Variants in SLC44A5 observed in about 807,000 individuals in gnomAD.
SLC44A5 encodes the protein solute carrier family 44 member 5.
In SLC44A5, 57 loss-of-function variants were observed where a neutral mutation model predicts 101.8. That is an observed-to-expected ratio of 0.56 (90% CI 0.45 to 0.70). SLC44A5 has a LOEUF of 0.70. Among genes scored for constraint, SLC44A5 ranks in the 30% least tolerant of loss-of-function variants. The pLI, the probability that SLC44A5 is intolerant of heterozygous loss-of-function variation, is 0.00. For synonymous variants in SLC44A5, 281 were observed against 290.9 expected (o/e 0.97, Z 0.35); for missense variants, 737 against 853.1 (o/e 0.86, Z 1.70).
chr1:75,340,119 T>C (rs1427443600), intron 3 of SLC44A5, among the ~76,000 whole-genome samples: 1 of 152,214 alleles, frequency 6.6e-6, no homozygotes, highest in Non-Finnish European at 1.5e-5. Context: ...GTTGGCTGTA[T>C]GGTACATAAA....
the SLC44A5 span, among the ~76,000 whole-genome samples, chr1:75,701,392 C>A: frequency 6.6e-6 from 1 of 152,104 alleles, no homozygotes; most frequent in Non-Finnish European, 1.5e-5. Context: ...ATAAACAGAA[C>A]CAACAACAAA....
At chr1:75,234,814 G>C (rs905459545) in intron 11 of SLC44A5, among the ~76,000 whole-genome samples, 1 of 152,040 alleles carries the variant, frequency 6.6e-6, no homozygotes, top group African/African-American at 2.4e-5. Flanking sequence ...CTTAGAGCTT[G>C]ACTGAACTAC....
the SLC44A5 span, among the ~76,000 whole-genome samples, chr1:75,696,648 C>T: frequency 6.6e-6 from 1 of 152,108 alleles, no homozygotes; most frequent in Admixed American, 6.5e-5. Flanking sequence ...GTAATCCCAG[C>T]ACTTTGGGAG....
chr1:75,403,793 T>C (rs1406131800), intron 2 of SLC44A5, among the ~76,000 whole-genome samples: 2 of 151,996 alleles, frequency 1.3e-5, no homozygotes, highest in Non-Finnish European at 2.9e-5. Flanking sequence ...CCTCTTCTCC[T>C]CCACAGGATC....
At chr1:75,604,505 T>G (rs907097749) in intron 1 of SLC44A5, among the ~76,000 whole-genome samples, 38 of 152,092 alleles carry the variant, frequency 2.5e-4, no homozygotes, top group African/African-American at 8.9e-4. Context: ...GGCTCTTTAT[T>G]ACTTTATTAC....
At chr1:75,612,769 CTT>C (rs1444282174), upstream of SLC44A5, among the ~76,000 whole-genome samples, 1 of 150,650 alleles carries the variant, frequency 6.6e-6, no homozygotes, top group East Asian at 2.0e-4. Flanking sequence ...AAGTTTTACA[CTT>C]AAGTAATTGA....
chr1:75,631,318 T>C, the SLC44A5 span, among the ~76,000 whole-genome samples: 1,175 of 152,274 alleles, frequency 7.7e-3, 14 homozygotes, highest in African/African-American at 0.027. Flanking sequence ...GTCTACCATA[T>C]CCTTTCTTGT....
At chr1:75,687,611 GA>G in the SLC44A5 span, among the ~76,000 whole-genome samples, 7 of 152,080 alleles carry the variant, frequency 4.6e-5, no homozygotes, top group Admixed American at 1.3e-4. Context: ...GCCTTTTCCA[GA>G]AATCTTTATG....
intron 2 of SLC44A5, among the ~76,000 whole-genome samples, chr1:75,410,846 T>C (rs1202769543): frequency 6.6e-6 from 1 of 152,124 alleles, no homozygotes; most frequent in Non-Finnish European, 1.5e-5. Context: ...CACCCAAAAT[T>C]TCTTGAGCAG....
the SLC44A5 span, among the ~76,000 whole-genome samples, chr1:75,684,062 A>G: frequency 6.6e-6 from 1 of 152,304 alleles, no homozygotes; most frequent in East Asian, 1.9e-4. Flanking sequence ...TTATGGTGGA[A>G]CGAAAAGGAA....
chr1:75,639,704 A>T, the SLC44A5 span, among the ~76,000 whole-genome samples: 1 of 152,128 alleles, frequency 6.6e-6, no homozygotes, highest in South Asian at 2.1e-4. Context: ...TCACAGTTGC[A>T]GTTGAATTAA....
intron 4 of SLC44A5, among the ~76,000 whole-genome samples, chr1:75,324,232 G>C (rs1656400456): frequency 1.3e-5 from 2 of 152,292 alleles, no homozygotes; most frequent in African/African-American, 4.8e-5. Context: ...ATTTCTGAAA[G>C]ACATAATGAG....
At chr1:75,208,025 G>A (rs1364366638) in intron 23 of SLC44A5, among the ~76,000 whole-genome samples, 3 of 152,064 alleles carry the variant, frequency 2.0e-5, no homozygotes, top group Non-Finnish European at 4.4e-5. Flanking sequence ...GCCCCAAATT[G>A]CAAGATTAGT....
At chr1:75,364,969 C>T (rs1659756879) in intron 3 of SLC44A5, among the ~76,000 whole-genome samples, 1 of 151,898 alleles carries the variant, frequency 6.6e-6, no homozygotes, top group South Asian at 2.1e-4. Context: ...TTATTTTGTT[C>T]ATGAATTGTG....
At chr1:75,327,845 G>C (rs1453955074) in intron 4 of SLC44A5, among the ~76,000 whole-genome samples, 1 of 152,216 alleles carries the variant, frequency 6.6e-6, no homozygotes, top group Non-Finnish European at 1.5e-5. Flanking sequence ...AGTGCGTAAA[G>C]AGGACTCTTC....
intron 1 of SLC44A5, chr1:75,582,546 C>T (rs923426801): frequency 3.8e-5 from 19 of 500,816 alleles, no homozygotes; most frequent in Non-Finnish European, 6.8e-5. Context: ...CAGGCCACTA[C>T]AAAGGGTTCA....
intron 5 of SLC44A5, among the ~76,000 whole-genome samples, chr1:75,279,744 G>C (rs905464790): frequency 4.1e-5 from 6 of 145,420 alleles, no homozygotes; most frequent in African/African-American, 1.5e-4. Context: ...ATGTTTGTAT[G>C]TATGTATACA....
At chr1:75,637,576 T>C in the SLC44A5 span, among the ~76,000 whole-genome samples, 6 of 151,894 alleles carry the variant, frequency 4.0e-5, no homozygotes, top group African/African-American at 1.4e-4. Flanking sequence ...TTGGAAATAA[T>C]GGTATGGTTG....
chr1:75,267,520 A>G (rs1039887437), intron 6 of SLC44A5, among the ~76,000 whole-genome samples: 2 of 152,078 alleles, frequency 1.3e-5, no homozygotes, highest in African/African-American at 4.8e-5. Flanking sequence ...TCATGATTCT[A>G]TAAGGATATC....
Sources: allele counts gnomAD v4.1 joint callset (sites outside exome capture counted in the v4.1 genomes callset), GRCh38; gene constraint gnomAD v4.1.1; transcripts MANE v1.5; gene names NCBI Gene and HGNC (gene_info 2026-07-23, HGNC 2026-07-21).